LAMA2: variants seen among roughly 807,000 people sequenced by gnomAD.
LAMA2 encodes laminin subunit alpha 2, also known as laminin subunit alpha-2.
Under a neutral mutation model 364.8 loss-of-function variants are expected in LAMA2, and 269 were observed. The observed-to-expected ratio is 0.74, with a 90% CI of 0.67 to 0.82. LAMA2 has a LOEUF of 0.82. Among genes scored for constraint, LAMA2 ranks in the 40% least tolerant of loss-of-function variants. The probability of loss-of-function intolerance (pLI) is 0.00; values close to 1 mark genes in which losing one functional copy is unlikely to be tolerated. For synonymous variants in LAMA2, 1,379 were observed against 1,370.6 expected (o/e 1.01, Z -0.14); for missense variants, 3,807 against 3,873.2 (o/e 0.98, Z 0.45).
At chr6:129,504,878 A>G (rs1048748948) in intron 60 of LAMA2, among the ~76,000 whole-genome samples, 19 of 152,240 alleles carry the variant, frequency 1.2e-4, no homozygotes, top group African/African-American at 4.3e-4. Flanking sequence ...TGAAAGTGCT[A>G]TTAGTCTGCA....
At chr6:128,967,432 T>C (rs1781912777) in intron 1 of LAMA2, among the ~76,000 whole-genome samples, 1 of 152,280 alleles carries the variant, frequency 6.6e-6, no homozygotes, top group East Asian at 1.9e-4. Flanking sequence ...ACTGTTAGAT[T>C]GGCCTCATGA....
intron 55 of LAMA2, among the ~76,000 whole-genome samples, chr6:129,486,030 G>A (rs780153864): frequency 2.0e-5 from 3 of 152,188 alleles, no homozygotes; most frequent in African/African-American, 7.2e-5. Flanking sequence ...TTGTGATAGC[G>A]ATCTATTCTA....
intron 1 of LAMA2, among the ~76,000 whole-genome samples, chr6:129,008,633 C>G (rs1244589706): frequency 6.6e-6 from 1 of 152,110 alleles, no homozygotes; most frequent in Non-Finnish European, 1.5e-5. Context: ...CTTTATTAAA[C>G]ATAGATGCAA....
intron 1 of LAMA2, among the ~76,000 whole-genome samples, chr6:128,982,399 T>A (rs1433960368): frequency 6.6e-6 from 1 of 152,190 alleles, no homozygotes; most frequent in Non-Finnish European, 1.5e-5. Context: ...TTTCCTACCT[T>A]TCTTAACCTA....
rs1351257514 is a variant in LAMA2 at position 129,486,433 on chromosome 6, G to A, written c.7750-41G>A. Reference sequence around the variant, plus strand: ...GAATCTCTAAAGCTAAGCCATAAATGAGACTTCTGTTTAATCTTCAATAAC... The same window carrying A: ...GAATCTCTAAAGCTAAGCCATAAATAAGACTTCTGTTTAATCTTCAATAAC... On this transcript the variant is annotated intron_variant, in intron 55 of 64. Coordinates refer to ENST00000421865, the MANE Select transcript of LAMA2 (RefSeq NM_000426.4). 3 of 1,601,688 alleles carry A rather than the reference G, an allele frequency of 1.9e-6. No individual in the cohort carries two copies. In the East Asian group the frequency reaches 6.7e-5, roughly 36 times the overall value.
At chr6:129,256,764 ATATATATATATAT>A (rs1562385428) in intron 14 of LAMA2, among the ~76,000 whole-genome samples, 8 of 13,040 alleles carry the variant, frequency 6.1e-4, no homozygotes, top group Non-Finnish European at 4.4e-3. Flanking sequence ...ATTATATAGC[ATATATATATATAT>A]ATATATATAT....
rs140990394 is a variant in LAMA2, at chr6:129,265,719, G to T, written c.2209-1387G>T. ...ATTATACACTGGGGCCTGTCGGAGG[G>T]TGGGGGGCTAGGGGAAGGATAGCAT... On this transcript the variant is annotated intron_variant, in intron 15 of 64. Coordinates refer to ENST00000421865, the MANE Select transcript of LAMA2 (RefSeq NM_000426.4). Among the ~76,000 whole-genome samples the T allele has an allele frequency of 2.8e-3, 424 of 151,466 alleles. 3 individuals are homozygous for T. The highest frequency in any genetic ancestry group is 9.9e-3 in the African/African-American group (409 of 41,270).
intron 34 of LAMA2, among the ~76,000 whole-genome samples, chr6:129,371,037 G>A (rs1378115319): frequency 6.6e-6 from 1 of 152,056 alleles, no homozygotes; most frequent in Non-Finnish European, 1.5e-5. Context: ...AATGTATGTA[G>A]ACATTAGATT....
At chr6:129,207,536 G>A (rs1782757564) in intron 12 of LAMA2, among the ~76,000 whole-genome samples, 1 of 152,092 alleles carries the variant, frequency 6.6e-6, no homozygotes, top group Non-Finnish European at 1.5e-5. Context: ...TTGTAGAGAA[G>A]TTTTGTAGAG....
intron 1 of LAMA2, among the ~76,000 whole-genome samples, chr6:128,962,668 T>C (rs574462188): frequency 1.3e-5 from 2 of 152,354 alleles, no homozygotes; most frequent in South Asian, 4.1e-4. Context: ...CCTGATTTAC[T>C]GATTTAGTGA....
At chr6:129,326,730 A>G (rs1164744013) in intron 28 of LAMA2, among the ~76,000 whole-genome samples, 1 of 145,114 alleles carries the variant, frequency 6.9e-6, no homozygotes, top group Non-Finnish European at 1.5e-5. Flanking sequence ...TATATTATAT[A>G]TATTTTATAT....
chr6:129,374,330 C>G (rs1159369496), intron 34 of LAMA2, among the ~76,000 whole-genome samples: 2 of 152,224 alleles, frequency 1.3e-5, no homozygotes, highest in South Asian at 2.1e-4. Flanking sequence ...ATGCAGTGGC[C>G]ACAACTTCCA....
chr6:129,288,760 T>A (rs1583423520), intron 19 of LAMA2, among the ~76,000 whole-genome samples: 1 of 152,198 alleles, frequency 6.6e-6, no homozygotes, highest in Non-Finnish European at 1.5e-5. Flanking sequence ...TTAATGTCAG[T>A]GGGATTAGAA....
intron 4 of LAMA2, among the ~76,000 whole-genome samples, chr6:129,102,138 T>TG: frequency 6.7e-6 from 1 of 149,842 alleles, no homozygotes; most frequent in South Asian, 2.1e-4. Flanking sequence ...TTCTTTTTTT[T>TG]TTTTTTTTGA....
intron 43 of LAMA2, chr6:129,442,354 T>A (rs55703717): frequency 0.01 from 4,313 of 422,442 alleles, 190 homozygotes; most frequent in African/African-American, 0.088. Context: ...AAACATTTTT[T>A]AAAATTTTTT....
intron 40 of LAMA2, among the ~76,000 whole-genome samples, chr6:129,413,915 G>A (rs1780660840): frequency 1.3e-5 from 2 of 152,032 alleles, no homozygotes; most frequent in African/African-American, 2.4e-5. Context: ...CTAAGGAAAG[G>A]CATTAGACAG....
Position 129,479,098 on chromosome 6 carries a change from C to A in LAMA2, c.7572+285C>A, listed in dbSNP as rs1012446374. On this transcript the variant is annotated intron_variant, in intron 54 of 64. Transcript: ENST00000421865. ...GTTTTTCTCTTTTTTTCCAACACTA[C>A]TTTTCCCTTTTCCTTATTTTTGTCA... Among the ~76,000 whole-genome samples the A allele has an allele frequency of 2.6e-5, 4 of 152,206 alleles. No individual in the cohort carries two copies. In the East Asian group the frequency reaches 7.7e-4, roughly 29 times the overall value.
At chr6:129,309,311 A>G (rs750245236) in intron 22 of LAMA2, among the ~76,000 whole-genome samples, 1 of 152,180 alleles carries the variant, frequency 6.6e-6, no homozygotes, top group Admixed American at 6.5e-5. Context: ...TTTAAATTTG[A>G]TGATGGCCAT....
At chr6:129,220,643 T>A (rs1783761386) in intron 12 of LAMA2, among the ~76,000 whole-genome samples, 1 of 152,248 alleles carries the variant, frequency 6.6e-6, no homozygotes, top group African/African-American at 2.4e-5. Flanking sequence ...TTGTTAAATA[T>A]GTTAAAATGT....
Sources: gnomAD v4.1 joint callset for allele counts (sites outside exome capture counted in the v4.1 genomes callset) on GRCh38, gnomAD v4.1.1 for gene constraint, MANE v1.5 for transcripts, NCBI Gene and HGNC (gene_info 2026-07-23, HGNC 2026-07-21) for gene names.